The following MYBPH variants were observed in gnomAD, a reference collection of about 807,000 sequenced individuals.
MYBPH encodes the protein myosin binding protein H, also known as myosin-binding protein H.
In MYBPH, 49 loss-of-function variants were observed where a neutral mutation model predicts 53.6. That is an observed-to-expected ratio of 0.91 (90% CI 0.73 to 1.16). The LOEUF (loss-of-function observed/expected upper bound fraction) is 1.16. Among genes scored for constraint, MYBPH ranks in the 50% most tolerant of loss-of-function variants. The probability of loss-of-function intolerance (pLI) is 0.00; values close to 1 mark genes in which losing one functional copy is unlikely to be tolerated. For synonymous variants in MYBPH, 239 were observed against 249.6 expected (o/e 0.96, Z 0.40); for missense variants, 558 against 624.1 (o/e 0.89, Z 1.13).
rs375161619 is a variant in MYBPH at position 203,174,441 on chromosome 1, C to T, written c.497G>A (p.Arg166Gln). The T allele has an allele frequency of 3.1e-5, 49 of 1,592,000 alleles. No homozygotes were observed. The highest frequency in any genetic ancestry group is 1.0e-4 in the Admixed American group (6 of 58,804). The stretch of plus-strand genomic sequence containing the variant: ...AGGATGGGCTTTACCAATGTTCTCT[C>T]GGATGTGGATGGGCTGGTCCAGCAT... ...PAMLDQPIHI[R>Q]ENIEAPKIRV... is the part of the protein sequence containing the mutation. Residue 166 changes from arginine to glutamine, a missense_variant, in exon 3 of 11, where the codon CGA becomes CAA. Transcript: ENST00000255416.
chr1:203,174,325 C>A, intron 3 of MYBPH, 105 bp downstream of exon 3: 2 of 1,480,464 alleles, frequency 1.4e-6, no homozygotes, highest in Admixed American at 2.3e-5. Flanking sequence ...GAGCGTGGGA[C>A]GGGGGAAATG....
chr1:203,170,559 A>T, intron 6 of MYBPH, 109 bp from the exon 7 acceptor site: 2 of 1,392,832 alleles, frequency 1.4e-6, no homozygotes, highest in South Asian at 2.8e-5. Context: ...CAACCTTAGG[A>T]TGCTGAACCA....
chr1:203,169,540 CTG>C, intron 7 of MYBPH, 151 bp from the exon 8 acceptor site: 3 of 1,153,456 alleles, frequency 2.6e-6, no homozygotes, highest in Non-Finnish European at 3.7e-6. Flanking sequence ...AAAGCTGAGA[CTG>C]TAGCTGGGTG....
chr1:203,168,504 C>G (rs1190311068), intron 10 of MYBPH, 123 bp downstream of exon 10: 14 of 965,118 alleles, frequency 1.5e-5, no homozygotes, highest in Non-Finnish European at 2.3e-5. Flanking sequence ...CCTGTGTCCA[C>G]AAGTTTGTGT....
Position 203,171,213 on chromosome 1 carries a change from A to G in MYBPH, c.794-13T>C. 6.3e-7 allele frequency: 1 copy of G among 1,576,988 alleles called. No homozygotes were observed. Among genetic ancestry groups the G allele is most frequent in the East Asian group, 2.2e-5 (1 of 44,618 alleles). On this transcript the variant is annotated splice_polypyrimidine_tract_variant and intron_variant, in intron 5 of 10. Coordinates refer to ENST00000255416, the MANE Select transcript of MYBPH (RefSeq NM_004997.3). The surrounding 1 kb of genome is among the most constrained non-coding windows in gnomAD (Gnocchi z 4.2). ...GGTCCAGGTTTCTCTGTAGGCCCAG[A>G]GTGTGAGAGGAAGTGAGTGTGAGGG...
At position 203,170,915 on chromosome 1, in the gene MYBPH, G is replaced by C. The variant is rs115978068; in HGVS notation, c.933+146C>G. On this transcript the variant is annotated intron_variant, in intron 6 of 10. Transcript: ENST00000255416. ...CTGAGGTCCAGAGAGGAAGAGTCTTGCTAAGGGCCTCCTAGGGAGTCAGGT... is the reference window on the plus strand; with the variant it reads ...CTGAGGTCCAGAGAGGAAGAGTCTTCCTAAGGGCCTCCTAGGGAGTCAGGT... 6.6e-5 allele frequency: 75 copies of C among 1,135,740 alleles called. No individual in the cohort carries two copies. In the African/African-American group the frequency reaches 1.1e-3, roughly 16 times the overall value. The allele number at this position is 1,135,740 out of a possible 1,614,324, so 70.4% of individuals were successfully genotyped here.
chr1:203,176,373 T>A (rs962974121), upstream of MYBPH, among the ~76,000 whole-genome samples: 3 of 152,096 alleles, frequency 2.0e-5, no homozygotes, highest in Non-Finnish European at 2.9e-5. Flanking sequence ...AGGGTGGAGC[T>A]GCTCAGAGGA....
At chr1:203,176,498 T>C (rs1429168165), upstream of MYBPH, among the ~76,000 whole-genome samples, 1 of 152,146 alleles carries the variant, frequency 6.6e-6, no homozygotes, top group Non-Finnish European at 1.5e-5. Context: ...GCCTCAGTTT[T>C]CCACCTGTTA....
In MYBPH at chr1:203,171,603, G is replaced by C; in HGVS notation, c.598-25C>G. On this transcript the variant is annotated intron_variant, in intron 4 of 10. Transcript: ENST00000255416. This position sits in a 1 kb window ranked among gnomAD's most constrained non-coding sequence, Gnocchi z 4.2. ...CCTGGCAGGGAGGAGCCCCCAGGGTGAGTGTAGGGAGGTGCCAGAGTCCCC... is the reference window on the plus strand; with the variant it reads ...CCTGGCAGGGAGGAGCCCCCAGGGTCAGTGTAGGGAGGTGCCAGAGTCCCC... 1 of 1,592,516 alleles carries C rather than the reference G, an allele frequency of 6.3e-7. No individual in the cohort carries two copies.
intron 10 of MYBPH, 90 bp downstream of exon 10, chr1:203,168,537 C>T (rs927986454): frequency 2.4e-5 from 31 of 1,305,342 alleles, no homozygotes; most frequent in African/African-American, 2.9e-5. Flanking sequence ...CCACCACCTT[C>T]CCTTCTCACC....
rs1330930949 is a variant in MYBPH at position 203,175,721 on chromosome 1, C to T, written c.35G>A (p.Cys12Tyr). The T allele has an allele frequency of 1.2e-6, 2 of 1,613,950 alleles. No individual in the cohort carries two copies. Among genetic ancestry groups the T allele is most frequent in the African/African-American group, 2.7e-5 (2 of 74,928 alleles). The change falls in exon 1 of 11, where the codon TGC becomes TAC. Residue 12 changes from cysteine to tyrosine, a missense_variant. Coordinates refer to ENST00000255416, the MANE Select transcript of MYBPH (RefSeq NM_004997.3). The part of the protein sequence containing the change: ...MEKNTSEGPA[C>Y]SPEETASESA... ...TTCAGATGCGGTCTCCTCTGGACTG[C>T]AGGCAGGGCCCTCGGAGGTGTTTTT...
At chr1:203,174,904 T>C (rs1240845429) in intron 2 of MYBPH, among the ~76,000 whole-genome samples, 1 of 152,048 alleles carries the variant, frequency 6.6e-6, no homozygotes, top group Non-Finnish European at 1.5e-5. Flanking sequence ...AGGGGGACAG[T>C]GGCAGCAGGG....
chr1:203,172,495 G>A (rs762791435), intron 3 of MYBPH, among the ~76,000 whole-genome samples: 3 of 152,146 alleles, frequency 2.0e-5, no homozygotes, highest in African/African-American at 4.8e-5. Context: ...ACAAGCCCAG[G>A]ACTTTCAGAG....
upstream of MYBPH, among the ~76,000 whole-genome samples, chr1:203,176,949 G>T (rs1655822338): frequency 6.6e-6 from 1 of 152,184 alleles, no homozygotes; most frequent in Non-Finnish European, 1.5e-5. Context: ...AAATGTGGGG[G>T]AAAACAGCTG....
chr1:203,177,914 C>T (rs1432973640), upstream of MYBPH, among the ~76,000 whole-genome samples: 2 of 152,258 alleles, frequency 1.3e-5, no homozygotes, highest in African/African-American at 4.8e-5. Context: ...GTTTTCTTCG[C>T]CTTCAGCAGG....
At chr1:203,176,891 A>G (rs1341217200), upstream of MYBPH, among the ~76,000 whole-genome samples, 1 of 152,210 alleles carries the variant, frequency 6.6e-6, no homozygotes, top group African/African-American at 2.4e-5. Flanking sequence ...CACATGCCCC[A>G]GGAGACATGG....
chr1:203,168,424 C>G (rs1277091165), intron 10 of MYBPH, among the ~76,000 whole-genome samples: 1 of 152,230 alleles, frequency 6.6e-6, no homozygotes, highest in Non-Finnish European at 1.5e-5. Context: ...AATCACCCCC[C>G]TTCCAGGAGA....
In MYBPH at chr1:203,168,552, C is replaced by T. The variant is rs1655628315; in HGVS notation, c.*32+75G>A. The T allele has an allele frequency of 3.5e-6, 5 of 1,443,714 alleles. No individual in the cohort carries two copies. The Admixed American group carries it at 5.9e-5, about 17-fold the overall frequency. The allele number at this position is 1,443,714 out of a possible 1,614,324, so 89.4% of individuals were successfully genotyped here. ...CCACCACCTTCCCTTCTCACCCCAA[C>T]CCCCTGCTCCTGGCCTCCTCTCTGC... On this transcript the variant is annotated intron_variant, in intron 10 of 10. Transcript: ENST00000255416.
rs751018798 is a variant in MYBPH at position 203,169,269 on chromosome 1, A to G, written c.1214T>C (p.Val405Ala). Residue 405 changes from valine to alanine, a missense_variant, in exon 8 of 11, where the codon GTC (valine) becomes GCC (alanine). Coordinates refer to ENST00000255416, the MANE Select transcript of MYBPH (RefSeq NM_004997.3). The stretch of plus-strand genomic sequence containing the variant: ...GCCCCTCACCTTGGGTGAAGCTCGG[A>G]CACTGCAGAACAACTGGGTGCTGTA... The part of the protein sequence containing the change: ...PGYSTQLFCS[V>A]RASPKPKIIW... 4 of 1,610,680 alleles carry G rather than the reference A, an allele frequency of 2.5e-6. No individual in the cohort carries two copies. In the African/African-American group the frequency reaches 4.0e-5, roughly 16 times the overall value.
Sources: gnomAD v4.1 joint callset for allele counts (sites outside exome capture counted in the v4.1 genomes callset) on GRCh38, gnomAD v4.1.1 for gene constraint, Gnocchi (gnomAD v3.1) non-coding constraint, MANE v1.5 for transcripts, NCBI Gene and HGNC (gene_info 2026-07-23, HGNC 2026-07-21) for gene names.